RNF212B: variants seen among roughly 807,000 people sequenced by gnomAD.
RNF212B encodes ring finger protein 212B.
In RNF212B, 52 loss-of-function variants were observed where a neutral mutation model predicts 55.5. The observed-to-expected ratio is 0.94, with a 90% CI of 0.75 to 1.18. The LOEUF is 1.18. Ranked by LOEUF, RNF212B falls within the 50% of genes most tolerant of loss-of-function variation. RNF212B has a pLI of 0.00. For synonymous variants in RNF212B, 99 were observed against 121.4 expected (o/e 0.82, Z 1.21); for missense variants, 289 against 350.4 (o/e 0.82, Z 1.40).
At chr14:23,238,762 A>C (rs1431104211) in intron 1 of RNF212B, among the ~76,000 whole-genome samples, 63 of 142,054 alleles carry the variant, frequency 4.4e-4, no homozygotes, top group Non-Finnish European at 7.6e-4. Flanking sequence ...TAATAATAAT[A>C]ATAATAATAA....
chr14:23,262,662 C>A lies in RNF212B; in HGVS notation c.435-3C>A. ...GAGCCGCCTCTTTTTTTTTCCCTTG[C>A]AGGTCAATCACACCTCGACCAGTGG... On this transcript the variant is annotated splice_polypyrimidine_tract_variant and splice_region_variant and intron_variant, in intron 7 of 14. Transcript: ENST00000430154. The A allele has an allele frequency of 1.0e-5, 16 of 1,547,146 alleles. No individual in the cohort carries two copies. Among genetic ancestry groups the A allele is most frequent in the Non-Finnish European group, 1.4e-5 (16 of 1,145,854 alleles).
chr14:23,244,383 G>A lies in RNF212B; in HGVS notation c.215G>A (p.Ser72Asn), dbSNP rs1180001902. 10 of 1,540,288 alleles carry A rather than the reference G, an allele frequency of 6.5e-6. No individual in the cohort carries two copies. In the South Asian group the frequency reaches 1.2e-4, roughly 18 times the overall value. The change falls in exon 4 of 15, where the codon AGT becomes AAT. Residue 72 changes from serine to asparagine, a missense_variant. Ser to Asn is a conservative substitution (Grantham distance 46, BLOSUM62 1). Transcript: ENST00000430154. The stretch of plus-strand genomic sequence containing the variant: ...GTGGAGACAGCTTTGCAGTATTTTA[G>A]TCACATCTCTCAGGTATGAGAAACA... ...SPVETALQYF[S>N]HISQVWSFQK...
intron 7 of RNF212B, 76 bp downstream of exon 7, chr14:23,260,763 C>A: frequency 7.8e-7 from 1 of 1,279,322 alleles, no homozygotes; most frequent in Non-Finnish European, 1.1e-6. Flanking sequence ...GCTGTGTGAA[C>A]TCTGAGAGAG....
At chr14:23,262,494 G>C (rs1306091342) in intron 7 of RNF212B, among the ~76,000 whole-genome samples, 171 bp from the exon 8 acceptor site, 1 of 152,168 alleles carries the variant, frequency 6.6e-6, no homozygotes, top group Admixed American at 6.5e-5. Flanking sequence ...GGTTTTATAT[G>C]GAAACTTTGC....
intron 4 of RNF212B, among the ~76,000 whole-genome samples, chr14:23,251,881 T>G (rs1884437224): frequency 6.6e-6 from 1 of 151,810 alleles, no homozygotes; most frequent in Non-Finnish European, 1.5e-5. Context: ...ATGCAAAGTA[T>G]GTGAGGAGGG....
intron 2 of RNF212B, among the ~76,000 whole-genome samples, chr14:23,218,974 G>A (rs2140402854): frequency 6.6e-6 from 1 of 152,242 alleles, no homozygotes; most frequent in African/African-American, 2.4e-5. Context: ...TAACAAAATA[G>A]AGCACCAATA....
At chr14:23,233,370 G>C (rs1057360088), upstream of RNF212B, among the ~76,000 whole-genome samples, 12 of 150,256 alleles carry the variant, frequency 8.0e-5, no homozygotes, top group East Asian at 1.9e-3. Context: ...CCTGCCAAAT[G>C]CCCCTCTGCG....
intron 2 of RNF212B, among the ~76,000 whole-genome samples, chr14:23,242,882 A>G (rs1020276588): frequency 2.0e-5 from 3 of 150,952 alleles, no homozygotes; most frequent in Non-Finnish European, 4.4e-5. Flanking sequence ...AGAAGGCTGA[A>G]GCAGGAGGAT....
intron 4 of RNF212B, among the ~76,000 whole-genome samples, chr14:23,246,634 C>T (rs1240596749): frequency 6.6e-6 from 1 of 152,114 alleles, no homozygotes; most frequent in Non-Finnish European, 1.5e-5. Context: ...TGCTATATTG[C>T]CCAGGCTGTT....
intron 2 of RNF212B, among the ~76,000 whole-genome samples, chr14:23,216,420 C>G (rs1881080129): frequency 6.6e-6 from 1 of 151,852 alleles, no homozygotes; most frequent in African/African-American, 2.4e-5. Flanking sequence ...AACAAAGAAT[C>G]AAATAGCATA....
In RNF212B at chr14:23,244,267, A is replaced by T. The variant is rs1004091522; in HGVS notation, c.154-55A>T. The T allele has an allele frequency of 2.2e-5, 22 of 1,010,132 alleles. No homozygotes were observed. In the African/African-American group the frequency reaches 3.6e-4, roughly 16 times the overall value. 62.6% of individuals were successfully genotyped at this position (1,010,132 alleles called of 1,614,324 possible). ...TACATCTTTTGTCATGTTAGTCAGTATTTTATTTTATTCAATTGTGGATAT... is the reference window on the plus strand; with the variant it reads ...TACATCTTTTGTCATGTTAGTCAGTTTTTTATTTTATTCAATTGTGGATAT... On this transcript the variant is annotated intron_variant, in intron 3 of 14. Coordinates refer to ENST00000430154, the MANE Select transcript of RNF212B (RefSeq NM_001282322.3).
chr14:23,204,174 G>C (rs759628081), intron 2 of RNF212B, among the ~76,000 whole-genome samples: 1 of 152,200 alleles, frequency 6.6e-6, no homozygotes, highest in Non-Finnish European at 1.5e-5. Flanking sequence ...TCTGTGGGTT[G>C]TCTGTTTACT....
chr14:23,232,373 C>A (rs191219417), intron 2 of RNF212B, among the ~76,000 whole-genome samples: 1,671 of 151,924 alleles, frequency 0.011, 8 homozygotes, highest in Non-Finnish European at 0.016. Flanking sequence ...CTGGCAGCCA[C>A]CCCATCTGAG....
intron 4 of RNF212B, among the ~76,000 whole-genome samples, chr14:23,244,676 G>C (rs1002485986): frequency 2.6e-5 from 4 of 152,110 alleles, no homozygotes; most frequent in African/African-American, 7.2e-5. Context: ...GTTTTAGGGA[G>C]CTTTATCATT....
chr14:23,234,401 C>T (rs1299816974), upstream of RNF212B, among the ~76,000 whole-genome samples: 1 of 151,864 alleles, frequency 6.6e-6, no homozygotes, highest in East Asian at 1.9e-4. Flanking sequence ...AGGAAGATTT[C>T]CTGCACACCT....
In RNF212B at chr14:23,239,993, A is replaced by AACACAC. The variant is rs35948084; in HGVS notation, c.-1-333_-1-328dup. ...CCTGGGGGAAAAAAAAGTAAAGGAAAACACACACACACACACACACACACT... is the reference window on the plus strand; with the variant it reads ...CCTGGGGGAAAAAAAAGTAAAGGAAAACACACACACACACACACACACACACACACT... On this transcript the variant is annotated intron_variant, in intron 1 of 14. Coordinates refer to ENST00000430154, the MANE Select transcript of RNF212B (RefSeq NM_001282322.3). Among the ~76,000 whole-genome samples, 411 of 145,614 alleles carry AACACAC rather than the reference A, an allele frequency of 2.8e-3. 1 individual carries two copies. The South Asian group carries it at 0.032, about 11-fold the overall frequency.
intron 2 of RNF212B, among the ~76,000 whole-genome samples, chr14:23,212,601 A>T (rs1027734445): frequency 5.3e-4 from 80 of 151,954 alleles, no homozygotes; most frequent in African/African-American, 1.9e-3. Context: ...TTTGAGACAG[A>T]GTCTCGCTCT....
intron 1 of RNF212B, among the ~76,000 whole-genome samples, chr14:23,190,383 G>C (rs115897383): frequency 6.6e-6 from 1 of 152,244 alleles, no homozygotes; most frequent in East Asian, 1.9e-4. Flanking sequence ...CGTGCTTTCC[G>C]CTCCAAACCT....
chr14:23,195,289 G>A (rs1435970698), intron 2 of RNF212B, among the ~76,000 whole-genome samples: 1 of 151,512 alleles, frequency 6.6e-6, no homozygotes, highest in Non-Finnish European at 1.5e-5. Context: ...CCCATGAGAT[G>A]CAGCTAAAGT....
Sources: allele counts gnomAD v4.1 joint callset (sites outside exome capture counted in the v4.1 genomes callset), GRCh38; gene constraint gnomAD v4.1.1; transcripts MANE v1.5; gene names NCBI Gene and HGNC (gene_info 2026-07-23, HGNC 2026-07-21).